TTC24: variants seen among roughly 807,000 people sequenced by gnomAD.
The protein encoded by TTC24 is tetratricopeptide repeat protein 24.
A neutral mutation model predicts 63.3 loss-of-function variants in TTC24; 54 were observed. The ratio of observed to expected loss-of-function variants is 0.85; its 90% CI spans 0.69 to 1.07. TTC24 has a LOEUF of 1.07. TTC24 is among the 50% of genes least tolerant of loss of function. The pLI, the probability that TTC24 is intolerant of heterozygous loss-of-function variation, is 0.00. For missense variants in TTC24, 680 were observed against 730.5 expected, an observed-to-expected ratio of 0.93 and a Z score of 0.80; for synonymous variants, 276 against 304.3, an observed-to-expected ratio of 0.91 and a Z score of 0.97.
rs1557959244 is a variant in TTC24, at chr1:156,585,992, T to TA, written c.1614_1615insA (p.Pro539ThrfsTer7). ...ATCTTCCATTTGTAGGTCCAGGCCC[T>TA]CCCAGAGCGGAGTACCCTAGCATCT... On this transcript the variant is annotated frameshift_variant, in exon 10 of 11. Transcript: ENST00000368236. LOFTEE classifies it high-confidence loss of function. 2 of 1,592,078 alleles carry TA rather than the reference T, an allele frequency of 1.3e-6. No homozygotes were observed. Among genetic ancestry groups the TA allele is most frequent in the Admixed American group, 3.5e-5 (2 of 56,526 alleles).
At chr1:156,581,309 A>G in intron 1 of TTC24, 52 bp from the exon 2 acceptor site, 1 of 1,371,950 alleles carries the variant, frequency 7.3e-7, no homozygotes, top group South Asian at 1.5e-5. Context: ...GGGTCCTGCT[A>G]TCTAGAGGAA....
Position 156,586,814 on chromosome 1 carries a change from A to G in TTC24, c.*264A>G, listed in dbSNP as rs6699526. The G allele has an allele frequency of 0.99, 324,056 of 325,842 alleles. 161,161 individuals carry two copies. Among genetic ancestry groups the G allele is most frequent in the East Asian group, 1 (19,538 of 19,538 alleles). The allele number at this position is 325,842 out of a possible 1,614,324, so 20.2% of individuals were successfully genotyped here. A position where few individuals can be genotyped will look rare whatever the true frequency, so the allele number is the denominator to read the frequency against. On this transcript the variant is annotated 3_prime_UTR_variant, in exon 11 of 11. Transcript: ENST00000368236. ...GGATGGCAAATTCCCTGTCTTTCTG[A>G]ATCCAAATCTTACGATTGCTAGGGG...
rs1026214603 is a variant in TTC24 at position 156,584,779 on chromosome 1, G to C, written c.1252-98G>C. The C allele has an allele frequency of 1.6e-5, 12 of 744,414 alleles. No homozygotes were observed. The South Asian group carries it at 3.1e-4, about 19-fold the overall frequency. The allele number at this position is 744,414 out of a possible 1,614,324, so 46.1% of individuals were successfully genotyped here. On this transcript the variant is annotated intron_variant, in intron 6 of 10. Coordinates refer to ENST00000368236, the MANE Select transcript of TTC24 (RefSeq NM_001105669.4). ...TTCTCCGAGACAAGCGGCAGAGCCC[G>C]AATTGTCTCTATCACATAAGTCTCT...
At position 156,585,984 on chromosome 1, in the gene TTC24, CCAG is replaced by C; in HGVS notation, c.1607_1609del (p.Pro536_Gly537delinsArg). The C allele has an allele frequency of 6.3e-6, 10 of 1,593,518 alleles. No individual in the cohort carries two copies. Among genetic ancestry groups the C allele is most frequent in the Admixed American group, 5.3e-5 (3 of 56,702 alleles). Reference sequence around the variant, plus strand: ...CAGGGCCCATCTTCCATTTGTAGGTCCAGGCCCTCCCAGAGCGGAGTACCCTAG... The same window carrying C: ...CAGGGCCCATCTTCCATTTGTAGGTCGCCCTCCCAGAGCGGAGTACCCTAG... On this transcript the variant is annotated inframe_deletion, in exon 10 of 11. Transcript: ENST00000368236.
chr1:156,585,072 G>A, intron 7 of TTC24, 53 bp from the exon 8 acceptor site: 2 of 1,555,808 alleles, frequency 1.3e-6, no homozygotes, highest in Non-Finnish European at 1.8e-6. Flanking sequence ...CCCCAGGAAG[G>A]AGGGGACTGG....
chr1:156,586,684 C>A lies in TTC24; in HGVS notation c.*134C>A. Reference sequence around the variant, plus strand: ...TGTGGAACACAGTGCAGCCAGTGGACTCCTGAGGAGGCTGGCCAAGGGCTT... The same window carrying A: ...TGTGGAACACAGTGCAGCCAGTGGAATCCTGAGGAGGCTGGCCAAGGGCTT... On this transcript the variant is annotated 3_prime_UTR_variant, in exon 11 of 11. Transcript: ENST00000368236. 1.3e-6 allele frequency: 1 copy of A among 754,590 alleles called. No homozygotes were observed. The allele number at this position is 754,590 out of a possible 1,614,324, so 46.7% of individuals were successfully genotyped here. A position where few individuals can be genotyped will look rare whatever the true frequency, so the allele number is the denominator to read the frequency against.
chr1:156,583,465 A>G lies in TTC24; in HGVS notation c.1152+15A>G. The G allele has an allele frequency of 1.3e-6, 2 of 1,555,618 alleles. No homozygotes were observed. Among genetic ancestry groups the G allele is most frequent in the South Asian group, 1.2e-5 (1 of 85,092 alleles). On this transcript the variant is annotated intron_variant, in intron 5 of 10. Transcript: ENST00000368236. The surrounding 1 kb of genome is among the most constrained non-coding windows in gnomAD (Gnocchi z 4.0). ...CCCAGTGTCAGGTGAGACCCCGCACACCGGAATCCACCTCTCCCCTGCTAT... is the reference window on the plus strand; with the variant it reads ...CCCAGTGTCAGGTGAGACCCCGCACGCCGGAATCCACCTCTCCCCTGCTAT...
Position 156,586,803 on chromosome 1 carries a change from CTG to C in TTC24, c.*255_*256del. 2.7e-6 allele frequency: 1 copy of C among 363,726 alleles called. No individual in the cohort carries two copies. The highest frequency in any genetic ancestry group is 3.9e-5 in the Admixed American group (1 of 25,820). The allele number at this position is 363,726 out of a possible 1,614,324, so 22.5% of individuals were successfully genotyped here. On this transcript the variant is annotated 3_prime_UTR_variant, in exon 11 of 11. Transcript: ENST00000368236. ...AAAAGGAAAATGGATGGCAAATTCC[CTG>C]TCTTTCTGAATCCAAATCTTACGAT...
Position 156,583,742 on chromosome 1 carries a change from G to A in TTC24, c.1153-55G>A. On this transcript the variant is annotated intron_variant, in intron 5 of 10. Coordinates refer to ENST00000368236, the MANE Select transcript of TTC24 (RefSeq NM_001105669.4). This position sits in a 1 kb window ranked among gnomAD's most constrained non-coding sequence, Gnocchi z 4.0. ...CTGTTTCCTTCTTCCCCAACCCCCA[G>A]AGGACCATAAGGTCCAGGCATTCCC... 1 of 875,236 alleles carries A rather than the reference G, an allele frequency of 1.1e-6. No individual in the cohort carries two copies. The highest frequency in any genetic ancestry group is 1.8e-6 in the Non-Finnish European group (1 of 571,190). The allele number at this position is 875,236 out of a possible 1,614,324, so 54.2% of individuals were successfully genotyped here. A position where few individuals can be genotyped will look rare whatever the true frequency, so the allele number is the denominator to read the frequency against.
intron 6 of TTC24, 108 bp downstream of exon 6, chr1:156,584,003 C>A: frequency 5.5e-6 from 5 of 912,486 alleles, no homozygotes; most frequent in Non-Finnish European, 6.9e-6. Context: ...CGCTTGGCCG[C>A]TCATCTGTGT....
rs1677003197 is a variant in TTC24 at position 156,581,753 on chromosome 1, T to A, written c.389T>A (p.Leu130His). 6.4e-7 allele frequency: 1 copy of A among 1,551,588 alleles called. No individual in the cohort carries two copies. Among genetic ancestry groups the A allele is most frequent in the South Asian group, 1.2e-5 (1 of 84,070 alleles). Residue 130 changes from leucine to histidine, a missense_variant, in exon 2 of 11, where the codon CTC (leucine) becomes CAC (histidine). Coordinates refer to ENST00000368236, the MANE Select transcript of TTC24 (RefSeq NM_001105669.4). ...CFNVALAYHA[L>H]GELPQALAWY... is the part of the protein sequence containing the mutation. ...AATGTGGCTTTGGCCTACCATGCCC[T>A]CGGCGAGCTGCCTCAAGCTTTGGCC...
At chr1:156,586,410 C>A in intron 10 of TTC24, 59 bp from the exon 11 acceptor site, 1 of 1,443,590 alleles carries the variant, frequency 6.9e-7, no homozygotes, top group Non-Finnish European at 9.5e-7. Context: ...CCAAGGCAGG[C>A]TGCCTCCTGC....
Position 156,583,768 on chromosome 1 carries a change from C to T in TTC24, c.1153-29C>T, listed in dbSNP as rs41267379. ...AGGACCATAAGGTCCAGGCATTCCC[C>T]ATTACCCTATTATCCACCCTCTTCC... On this transcript the variant is annotated intron_variant, in intron 5 of 10. Transcript: ENST00000368236. The surrounding 1 kb of genome is among the most constrained non-coding windows in gnomAD (Gnocchi z 4.0). 20,486 of 1,546,440 alleles carry T rather than the reference C, an allele frequency of 0.013. 172 individuals are homozygous for T. Among genetic ancestry groups the T allele is most frequent in the South Asian group, 0.022 (1,808 of 84,066 alleles).
Position 156,582,319 on chromosome 1 carries a change from G to T in TTC24, c.795G>T (p.Leu265=), listed in dbSNP as rs1431036139. The T allele has an allele frequency of 6.3e-7, 1 of 1,599,372 alleles. No homozygotes were observed. The highest frequency in any genetic ancestry group is 8.5e-7 in the Non-Finnish European group (1 of 1,173,310). Reference sequence around the variant, plus strand: ...AGGCCTTCCTGCAGGCCCTGCCCCTGTGCTGGGTGCCAGGAGAGCAGGCCA... The same window carrying T: ...AGGCCTTCCTGCAGGCCCTGCCCCTTTGCTGGGTGCCAGGAGAGCAGGCCA... ...AVEAFLQALP[L]CWVPGEQATV... Residue 265 remains leucine (L), a synonymous_variant, in exon 3 of 11, where the codon CTG becomes CTT. Coordinates refer to ENST00000368236, the MANE Select transcript of TTC24 (RefSeq NM_001105669.4).
chr1:156,582,822 T>C (rs1677036876), intron 3 of TTC24, among the ~76,000 whole-genome samples: 1 of 152,100 alleles, frequency 6.6e-6, no homozygotes, highest in Non-Finnish European at 1.5e-5. Context: ...CATCACAGGG[T>C]TGTTGCCTGA....
rs1305468787 is a variant in TTC24 at position 156,581,808 on chromosome 1, G to A, written c.444G>A (p.Gln148=). The A allele has an allele frequency of 1.2e-5, 19 of 1,551,404 alleles. No homozygotes were observed. The highest frequency in any genetic ancestry group is 1.6e-5 in the Non-Finnish European group (18 of 1,146,928). ...AWYHRALGHY[Q]PQGDQGEAWA... ...ACCACAGGGCCCTGGGCCACTACCA[G>A]CCACAGGGTGACCAGGGAGAAGCCT... is the stretch of plus-strand genomic sequence containing the variant. Residue 148 remains glutamine, a synonymous_variant, in exon 2 of 11, where the codon CAG becomes CAA. Transcript: ENST00000368236.
intron 7 of TTC24, 67 bp downstream of exon 7, chr1:156,585,041 G>C (rs1677114791): frequency 6.5e-7 from 1 of 1,538,034 alleles, no homozygotes; most frequent in African/African-American, 1.4e-5. Context: ...CTGTCGCAGT[G>C]GGGTAGGACC....
Position 156,585,966 on chromosome 1 carries a change from C to T in TTC24, c.1588C>T (p.His530Tyr). Residue 530 changes from histidine (H) to tyrosine (Y), a missense_variant, in exon 10 of 11, where the codon CAT (histidine) becomes TAT (tyrosine). Coordinates refer to ENST00000368236, the MANE Select transcript of TTC24 (RefSeq NM_001105669.4). ...ASIYSPGPRA[H>Y]LPFVGPGPPR... ...CCATCTAGGTCCAGGACCCAGGGCC[C>T]ATCTTCCATTTGTAGGTCCAGGCCC... 1.2e-6 allele frequency: 2 copies of T among 1,600,292 alleles called. No individual in the cohort carries two copies. Among genetic ancestry groups the T allele is most frequent in the Non-Finnish European group, 1.7e-6 (2 of 1,172,996 alleles).
chr1:156,580,147 G>A (rs770488909), intron 1 of TTC24, among the ~76,000 whole-genome samples: 13 of 152,274 alleles, frequency 8.5e-5, no homozygotes, highest in East Asian at 3.9e-4. Flanking sequence ...GACAGAAAGC[G>A]GAAGAAATGG....
Sources: allele counts gnomAD v4.1 joint callset (sites outside exome capture counted in the v4.1 genomes callset), GRCh38; gene constraint gnomAD v4.1.1; non-coding constraint Gnocchi (gnomAD v3.1); transcripts MANE v1.5; gene names NCBI Gene and HGNC (gene_info 2026-07-23, HGNC 2026-07-21).